RIF1: variants seen among roughly 807,000 people sequenced by gnomAD.
RIF1 encodes telomere-associated protein RIF1.
In RIF1, 45 loss-of-function variants were observed where a neutral mutation model predicts 247.1. The ratio of observed to expected loss-of-function variants is 0.18; its 90% CI spans 0.14 to 0.23. The LOEUF (loss-of-function observed/expected upper bound fraction) is 0.23, where lower values mean the gene tolerates loss of function less well. Ranked by LOEUF, RIF1 falls within the 10% of genes least tolerant of loss-of-function variation. The pLI is 1.00. For missense variants in RIF1, 2,967 were observed against 2,862.5 expected, an observed-to-expected ratio of 1.04 and a Z score of -0.83; for synonymous variants, 1,087 against 978.8, an observed-to-expected ratio of 1.11 and a Z score of -2.06.
intron 26 of RIF1, 121 bp downstream of exon 26, chr2:151,460,240 A>G (rs1559006268): frequency 2.3e-5 from 17 of 753,538 alleles, no homozygotes; most frequent in Non-Finnish European, 2.8e-5. Flanking sequence ...TTGCAGGGGA[A>G]TTGAGGGCAT....
rs117862218 is a variant in RIF1 at position 151,425,007 on chromosome 2, C to T, written c.786+1965C>T. ...CCAAACTCTTCTGTAGCAGCTGCCCCATTTTACATTCCCACCAGTAATGCA... is the reference window on the plus strand; with the variant it reads ...CCAAACTCTTCTGTAGCAGCTGCCCTATTTTACATTCCCACCAGTAATGCA... On this transcript the variant is annotated intron_variant, in intron 8 of 35. Coordinates refer to ENST00000444746, the MANE Select transcript of RIF1 (RefSeq NM_018151.5). Among the ~76,000 whole-genome samples, 360 of 152,062 alleles carry T rather than the reference C, an allele frequency of 2.4e-3. 8 individuals are homozygous for T. The East Asian group carries it at 0.046, about 19-fold the overall frequency.
At chr2:151,412,646 A>T (rs990907236) in intron 3 of RIF1, among the ~76,000 whole-genome samples, 3 of 151,662 alleles carry the variant, frequency 2.0e-5, no homozygotes, top group African/African-American at 7.3e-5. Context: ...CCCCCACCAC[A>T]CCCAGCTAAT....
chr2:151,492,145 A>G lies in RIF1; in HGVS notation c.*416-3084A>G. 3 of 1,613,696 alleles carry G rather than the reference A, an allele frequency of 1.9e-6. No individual in the cohort carries two copies. The highest frequency in any genetic ancestry group is 1.3e-5 in the African/African-American group (1 of 74,934). ...GTCATTCCGTTTTTGTTCCATTTCT[A>G]CCACTTTCCTCTGAATACCTCGGTA... On this transcript the variant is annotated intron_variant and NMD_transcript_variant, in intron 9 of 13. Transcript: ENST00000454583.
At chr2:151,474,122 T>G (rs941042040) in intron 35 of RIF1, 50 bp downstream of exon 35, 5 of 856,630 alleles carry the variant, frequency 5.8e-6, no homozygotes, top group Non-Finnish European at 9.6e-6. Flanking sequence ...TCAGCTGACT[T>G]TCTTGAAATA....
In RIF1 at chr2:151,416,714, T is replaced by C. The variant is rs189330104; in HGVS notation, c.408+26T>C. 2.3e-4 allele frequency: 364 copies of C among 1,609,434 alleles called. 3 individuals are homozygous for C. Among genetic ancestry groups the C allele is most frequent in the Non-Finnish European group, 2.2e-5 (26 of 1,178,966 alleles). On this transcript the variant is annotated intron_variant, in intron 5 of 35. Coordinates refer to ENST00000444746, the MANE Select transcript of RIF1 (RefSeq NM_018151.5). Reference sequence around the variant, plus strand: ...GTGAGTATAGTTTTTGGGTATGCCATCTTAACTATATGCCAATTAAAAGAA... The same window carrying C: ...GTGAGTATAGTTTTTGGGTATGCCACCTTAACTATATGCCAATTAAAAGAA...
chr2:151,502,679 A>C, intron 11 of RIF1: 1 of 687,818 alleles, frequency 1.5e-6, no homozygotes, highest in Non-Finnish European at 2.5e-6. Context: ...AAACTGAGGT[A>C]ATATTTGGTA....
At chr2:151,532,153 G>C in the RIF1 span, 13 of 306,750 alleles carry the variant, frequency 4.2e-5, no homozygotes, top group African/African-American at 2.9e-4. Flanking sequence ...CTGGAGTGCA[G>C]TGGTGCGATC....
At chr2:151,467,523 T>C (rs1697126631) in intron 30 of RIF1, among the ~76,000 whole-genome samples, 1 of 152,034 alleles carries the variant, frequency 6.6e-6, no homozygotes, top group Non-Finnish European at 1.5e-5. Context: ...TTTTGTACTT[T>C]TAGTAGAGAT....
intron 10 of RIF1, chr2:151,498,467 A>G: frequency 1.4e-6 from 1 of 698,062 alleles, no homozygotes; most frequent in Non-Finnish European, 2.4e-6. Context: ...AGGAAGAGAA[A>G]TACCAGAAGC....
rs186707789 is a variant in RIF1 at position 151,442,927 on chromosome 2, C to T, written c.1735-332C>T. ...GCTGGGACTACAGGCGCGTGCCACC[C>T]TGCCCGGCTAGTTTTTTTGTATTTT... On this transcript the variant is annotated intron_variant, in intron 16 of 35. Coordinates refer to ENST00000444746, the MANE Select transcript of RIF1 (RefSeq NM_018151.5). Among the ~76,000 whole-genome samples the T allele has an allele frequency of 1.7e-3, 264 of 151,784 alleles. 2 individuals carry two copies. The highest frequency in any genetic ancestry group is 6.1e-3 in the African/African-American group (253 of 41,388).
intron 3 of RIF1, among the ~76,000 whole-genome samples, chr2:151,414,208 CCTGGG>C (rs1414144297): frequency 6.6e-6 from 1 of 151,798 alleles, no homozygotes; most frequent in Non-Finnish European, 1.5e-5. Flanking sequence ...TGCTCTTGAA[CCTGGG>C]AAGCAGAGGT....
rs539841477 is a variant in RIF1, at chr2:151,470,214, T to C, written c.7095+350T>C. Among the ~76,000 whole-genome samples the C allele has an allele frequency of 5.0e-4, 38 of 75,962 alleles. No homozygotes were observed. In the East Asian group the frequency reaches 0.012, roughly 25 times the overall value. 49.8% of individuals were successfully genotyped at this position (75,962 alleles called of 152,430 possible). On this transcript the variant is annotated intron_variant, in intron 34 of 35. Coordinates refer to ENST00000444746, the MANE Select transcript of RIF1 (RefSeq NM_018151.5). ...TGTGACTTATTTTTCTTATTTTTCC[T>C]TTTTGTCAGTATTGTGCATATGAAC...
chr2:151,467,039 A>G (rs7608474), intron 30 of RIF1, among the ~76,000 whole-genome samples: 45,001 of 151,662 alleles, frequency 0.3, 8,141 homozygotes, highest in Non-Finnish European at 0.42. Flanking sequence ...GACCAGCCTG[A>G]CCAACATGGA....
At chr2:151,493,462 A>C in intron 9 of RIF1, 4 of 1,524,190 alleles carry the variant, frequency 2.6e-6, no homozygotes, top group Non-Finnish European at 3.6e-6. Context: ...AAGCCAAAAG[A>C]GCATCTAGGC....
rs568867178 is a variant in RIF1, at chr2:151,449,843, C to A, written c.2245-1763C>A. Among the ~76,000 whole-genome samples the A allele has an allele frequency of 9.9e-3, 901 of 90,582 alleles. 11 individuals carry two copies. The highest frequency in any genetic ancestry group is 0.03 in the African/African-American group (849 of 28,720). 59.4% of individuals were successfully genotyped at this position (90,582 alleles called of 152,430 possible). A position where few individuals can be genotyped will look rare whatever the true frequency, so the allele number is the denominator to read the frequency against. On this transcript the variant is annotated intron_variant, in intron 20 of 35. Coordinates refer to ENST00000444746, the MANE Select transcript of RIF1 (RefSeq NM_018151.5). ...AGTGATCATATAGACTACTTTGATG[C>A]CTTTTTTTTTTTTTTTGAGACCGAG...
intron 20 of RIF1, among the ~76,000 whole-genome samples, chr2:151,448,234 G>A (rs1380668655): frequency 6.6e-6 from 1 of 151,886 alleles, no homozygotes; most frequent in African/African-American, 2.4e-5. Flanking sequence ...AGTAGAGAGG[G>A]GGTTTCACCG....
At chr2:151,501,445 T>G (rs769117795) in intron 11 of RIF1, 1 of 1,543,706 alleles carries the variant, frequency 6.5e-7, no homozygotes, top group Non-Finnish European at 8.8e-7. Flanking sequence ...GAGTGACAGG[T>G]AGGGGAGTCC....
intron 11 of RIF1, chr2:151,502,686 G>C: frequency 2.8e-6 from 2 of 705,612 alleles, no homozygotes; most frequent in Non-Finnish European, 4.9e-6. Context: ...GGTAATATTT[G>C]GTATCATTAT....
At chr2:151,524,641 C>CT in the RIF1 span, 2 of 517,716 alleles carry the variant, frequency 3.9e-6, no homozygotes, top group Non-Finnish European at 7.3e-6. Flanking sequence ...AAAATGTTTA[C>CT]TCAAGAGAGA....
Sources: gnomAD v4.1 joint callset for allele counts (sites outside exome capture counted in the v4.1 genomes callset) on GRCh38, gnomAD v4.1.1 for gene constraint, MANE v1.5 for transcripts, NCBI Gene and HGNC (gene_info 2026-07-23, HGNC 2026-07-21) for gene names.